The following ARMC9 variants were observed in gnomAD, a reference collection of about 807,000 sequenced individuals.
The protein encoded by ARMC9 is armadillo repeat containing 9.
Under a neutral mutation model 107.0 loss-of-function variants are expected in ARMC9, and 94 were observed. The observed-to-expected ratio is 0.88, with a 90% confidence interval of 0.74 to 1.04. The LOEUF (loss-of-function observed/expected upper bound fraction) is 1.04. Ranked by LOEUF, ARMC9 falls within the 50% of genes least tolerant of loss-of-function variation. The pLI is 0.00. For missense variants in ARMC9, 942 were observed against 1,030.1 expected, an observed-to-expected ratio of 0.91 and a Z score of 1.17; for synonymous variants, 380 against 396.9, an observed-to-expected ratio of 0.96 and a Z score of 0.51.
At chr2:231,314,409 A>C (rs139718667) in intron 19 of ARMC9, among the ~76,000 whole-genome samples, 15 of 152,262 alleles carry the variant, frequency 9.9e-5, no homozygotes, top group African/African-American at 3.6e-4. Flanking sequence ...GATTTGTAAA[A>C]GTTTTTTATT....
At chr2:231,313,466 C>T (rs1161282827) in intron 19 of ARMC9, among the ~76,000 whole-genome samples, 1 of 152,140 alleles carries the variant, frequency 6.6e-6, no homozygotes, top group Non-Finnish European at 1.5e-5. Context: ...ACATTTTTGA[C>T]AGTTTTATTG....
At chr2:231,353,980 T>C (rs11690753) in intron 21 of ARMC9, among the ~76,000 whole-genome samples, 3,328 of 135,312 alleles carry the variant, frequency 0.025, 34 homozygotes, top group Middle Eastern at 0.054. Context: ...TATGTATATA[T>C]ACACACACAC....
chr2:231,282,290 GGA>G (rs1373461922), intron 17 of ARMC9, among the ~76,000 whole-genome samples, 157 bp downstream of exon 17: 3 of 152,180 alleles, frequency 2.0e-5, no homozygotes, highest in Admixed American at 1.3e-4. Flanking sequence ...CATTTCCTGG[GGA>G]GAGAGTCTGT....
chr2:231,281,950 A>C, intron 16 of ARMC9, 109 bp from the exon 17 acceptor site: 6 of 1,027,086 alleles, frequency 5.8e-6, no homozygotes, highest in Non-Finnish European at 9.1e-6. Context: ...CGAGGACGGG[A>C]ACACCCACTC....
At chr2:231,335,322 A>G (rs1453314650) in intron 20 of ARMC9, among the ~76,000 whole-genome samples, 1 of 152,170 alleles carries the variant, frequency 6.6e-6, no homozygotes, top group East Asian at 1.9e-4. Flanking sequence ...GGAACCAATC[A>G]TGGTGCACGC....
intron 20 of ARMC9, among the ~76,000 whole-genome samples, chr2:231,337,636 G>C (rs539519884): frequency 7.3e-6 from 1 of 137,092 alleles, no homozygotes. Flanking sequence ...CGCCCGGCTA[G>C]TTTTTGTATT....
In ARMC9 at chr2:231,335,419, A is replaced by G. The variant is rs369839016; in HGVS notation, c.1878+3522A>G. ...GCCAGAGTGTTCGGGGATGGGAGGA[A>G]GCTATTCCCAGGATCCTGGACCAGT... is the stretch of plus-strand genomic sequence containing the variant. On this transcript the variant is annotated intron_variant, in intron 20 of 24. Transcript: ENST00000611582. 1.5e-3 allele frequency among the ~76,000 whole-genome samples: 235 copies of G among 152,262 alleles called. 1 individual carries two copies. Among genetic ancestry groups the G allele is most frequent in the African/African-American group, 5.4e-3 (224 of 41,556 alleles).
rs116373057 is a variant in ARMC9, at chr2:231,260,097, C to T, written c.1026+995C>T. 9.3e-3 allele frequency among the ~76,000 whole-genome samples: 1,420 copies of T among 152,222 alleles called. 19 individuals carry two copies. The highest frequency in any genetic ancestry group is 0.033 in the African/African-American group (1,367 of 41,538). On this transcript the variant is annotated intron_variant, in intron 11 of 24. Transcript: ENST00000611582. ...CATGTTAACATAAATAACATTTTTG[C>T]GACAAATACTACTTTCCAAACAACA...
chr2:231,237,775 ATATATATTTTTTTTTTT>A (rs2035883695), intron 8 of ARMC9, among the ~76,000 whole-genome samples: 1 of 40,790 alleles, frequency 2.5e-5, no homozygotes, highest in African/African-American at 7.9e-5. Context: ...ATATATATAT[ATATATATTTTTTTTTTT>A]TTTTTTTTTT....
At chr2:231,252,685 G>A (rs1249272108) in intron 9 of ARMC9, among the ~76,000 whole-genome samples, 2 of 152,134 alleles carry the variant, frequency 1.3e-5, no homozygotes, top group African/African-American at 4.8e-5. Context: ...TGCCCAGGCT[G>A]GAGTGCAATG....
chr2:231,317,316 G>A (rs527482252), intron 19 of ARMC9, among the ~76,000 whole-genome samples: 2 of 151,974 alleles, frequency 1.3e-5, no homozygotes, highest in Non-Finnish European at 2.9e-5. Flanking sequence ...GATTACAGGC[G>A]CCTGCCACCA....
chr2:231,263,006 C>T (rs1306637320), intron 12 of ARMC9, among the ~76,000 whole-genome samples: 3 of 152,056 alleles, frequency 2.0e-5, no homozygotes, highest in African/African-American at 7.2e-5. Context: ...CCTTAAGCCC[C>T]AGGCCTGGTA....
At chr2:231,259,421 A>G (rs540264973) in intron 11 of ARMC9, among the ~76,000 whole-genome samples, 1 of 152,314 alleles carries the variant, frequency 6.6e-6, no homozygotes, top group East Asian at 1.9e-4. Context: ...AGGGTTACCC[A>G]CAGTCCCACA....
At chr2:231,272,896 T>C (rs1574897606) in intron 13 of ARMC9, 59 bp from the exon 14 acceptor site, 1 of 1,581,944 alleles carries the variant, frequency 6.3e-7, no homozygotes, top group East Asian at 2.2e-5. Flanking sequence ...AGTGGTTTTG[T>C]AGCATACCAG....
intron 16 of ARMC9, among the ~76,000 whole-genome samples, chr2:231,281,629 T>C (rs150144040): frequency 0.011 from 1,670 of 152,242 alleles, 19 homozygotes; most frequent in South Asian, 0.044. Flanking sequence ...GTAGCCTGGT[T>C]CATGGACGAT....
rs1217033253 is a variant in ARMC9 at position 231,252,820 on chromosome 2, T to G, written c.880-3766T>G. The stretch of plus-strand genomic sequence containing the variant: ...ACCCCCTAATTTTTTTTTTTTTTTT[T>G]GTAGAGATAGGGTTTCATCATGTTG... On this transcript the variant is annotated intron_variant, in intron 9 of 24. Coordinates refer to ENST00000611582, the MANE Select transcript of ARMC9 (RefSeq NM_001352754.2). Among the ~76,000 whole-genome samples, 32 of 150,392 alleles carry G rather than the reference T, an allele frequency of 2.1e-4. No homozygotes were observed. In the East Asian group the frequency reaches 5.9e-3, roughly 28 times the overall value.
chr2:231,322,782 T>G (rs2043070023), intron 19 of ARMC9, among the ~76,000 whole-genome samples: 1 of 152,244 alleles, frequency 6.6e-6, no homozygotes, highest in African/African-American at 2.4e-5. Flanking sequence ...CATTCTGCTC[T>G]GGTACATAAA....
intron 12 of ARMC9, 116 bp downstream of exon 12, chr2:231,262,514 C>A: frequency 2.0e-6 from 2 of 998,830 alleles, no homozygotes; most frequent in Admixed American, 2.0e-5. Context: ...AACTGTATGT[C>A]AGCCTTGAGC....
Position 231,371,677 on chromosome 2 carries a change from C to G in ARMC9, c.*142C>G, listed in dbSNP as rs538352502. The G allele has an allele frequency of 1.0e-4, 90 of 884,410 alleles. No individual in the cohort carries two copies. The African/African-American group carries it at 1.5e-3, about 14-fold the overall frequency. 54.8% of individuals were successfully genotyped at this position (884,410 alleles called of 1,614,324 possible). Reference sequence around the variant, plus strand: ...GCTGAGGGGAGGCCGGCTCTCCAGGCAGCACCAGAGCAAGGCCATCGCAGC... The same window carrying G: ...GCTGAGGGGAGGCCGGCTCTCCAGGGAGCACCAGAGCAAGGCCATCGCAGC... On this transcript the variant is annotated 3_prime_UTR_variant, in exon 25 of 25. Coordinates refer to ENST00000611582, the MANE Select transcript of ARMC9 (RefSeq NM_001352754.2).
Sources: allele counts gnomAD v4.1 joint callset (sites outside exome capture counted in the v4.1 genomes callset), GRCh38; gene constraint gnomAD v4.1.1; transcripts MANE v1.5; gene names NCBI Gene and HGNC (gene_info 2026-07-23, HGNC 2026-07-21).